DHX34: variants seen among roughly 807,000 people sequenced by gnomAD.
DHX34 encodes probable ATP-dependent RNA helicase DHX34.
Under a neutral mutation model 111.1 loss-of-function variants are expected in DHX34, and 96 were observed. The ratio of observed to expected loss-of-function variants is 0.86; its 90% CI spans 0.73 to 1.02. The LOEUF (loss-of-function observed/expected upper bound fraction) is 1.02. DHX34 is among the 50% of genes least tolerant of loss of function. The pLI, the probability that DHX34 is intolerant of heterozygous loss-of-function variation, is 0.00. For missense variants in DHX34, 1,560 were observed against 1,579.9 expected, an observed-to-expected ratio of 0.99 and a Z score of 0.21; for synonymous variants, 688 against 670.4, an observed-to-expected ratio of 1.03 and a Z score of -0.41.
intron 4 of DHX34, among the ~76,000 whole-genome samples, chr19:47,359,073 A>G (rs1484367887): frequency 1.3e-5 from 2 of 152,142 alleles, no homozygotes; most frequent in Non-Finnish European, 2.9e-5. Context: ...TCTACAGGCC[A>G]GAGATCTGAG....
intron 4 of DHX34, among the ~76,000 whole-genome samples, chr19:47,358,764 G>A (rs901024774): frequency 3.9e-5 from 6 of 152,162 alleles, no homozygotes; most frequent in Admixed American, 6.5e-5. Context: ...ACAGGCACCC[G>A]CCACCACGTC....
At chr19:47,354,907 G>A in intron 2 of DHX34, 132 bp from the exon 3 acceptor site, 1 of 1,475,774 alleles carries the variant, frequency 6.8e-7, no homozygotes, top group Non-Finnish European at 9.0e-7. Context: ...GCCCGCCTCT[G>A]CCTCCCAAAG....
chr19:47,360,133 G>A, intron 5 of DHX34, 63 bp downstream of exon 5: 1 of 1,505,972 alleles, frequency 6.6e-7, no homozygotes, highest in Non-Finnish European at 9.2e-7. Context: ...GGGTCCGGAG[G>A]TGTGCGTGTG....
chr19:47,374,974 A>AT (rs1338904303), intron 9 of DHX34, among the ~76,000 whole-genome samples: 6 of 152,044 alleles, frequency 3.9e-5, no homozygotes, highest in African/African-American at 7.2e-5. Context: ...GGGGTCTCAG[A>AT]TTTTATGGGT....
chr19:47,375,081 G>T (rs1391079289), intron 9 of DHX34, among the ~76,000 whole-genome samples: 1 of 152,158 alleles, frequency 6.6e-6, no homozygotes, highest in Non-Finnish European at 1.5e-5. Context: ...CCCAGGACTT[G>T]GCATTCCCAG....
At chr19:47,372,634 A>AGGAGGGCAGGCG (rs11269662) in intron 7 of DHX34, 96 bp from the exon 8 acceptor site, 3 of 1,452,992 alleles carry the variant, frequency 2.1e-6, no homozygotes, top group East Asian at 2.6e-5. Context: ...GGGTGGGAGC[A>AGGAGGGCAGGCG]GGAGGGCAGG....
At position 47,352,930 on chromosome 19, in the gene DHX34, C is replaced by G. The variant is rs546606471; in HGVS notation, c.-101C>G. The G allele has an allele frequency of 6.8e-5, 100 of 1,468,240 alleles. No individual in the cohort carries two copies. In the African/African-American group the frequency reaches 1.3e-3, roughly 19 times the overall value. 91.0% of individuals were successfully genotyped at this position (1,468,240 alleles called of 1,614,324 possible). The stretch of plus-strand genomic sequence containing the variant: ...AGCTCTTTGAAGAGAAAGTAGTTCT[C>G]TATTGCAGGCACTGGCCTCTTAAAT... On this transcript the variant is annotated 5_prime_UTR_variant, in exon 2 of 17. Coordinates refer to ENST00000328771, the MANE Select transcript of DHX34 (RefSeq NM_014681.6).
At position 47,375,245 on chromosome 19, in the gene DHX34, G is replaced by C. The variant is rs535705617; in HGVS notation, c.2065-221G>C. On this transcript the variant is annotated intron_variant, in intron 9 of 16. Transcript: ENST00000328771. Reference sequence around the variant, plus strand: ...CTGTGGGAAAAGGCACTGGACGCCCGCACCTGCCTCCTCTTGCCCCTGGCC... The same window carrying C: ...CTGTGGGAAAAGGCACTGGACGCCCCCACCTGCCTCCTCTTGCCCCTGGCC... The C allele has an allele frequency of 2.1e-4, 206 of 978,072 alleles. No individual in the cohort carries two copies. The African/African-American group carries it at 3.0e-3, about 14-fold the overall frequency. The allele number at this position is 978,072 out of a possible 1,614,324, so 60.6% of individuals were successfully genotyped here. A position where few individuals can be genotyped will look rare whatever the true frequency, so the allele number is the denominator to read the frequency against.
rs1048475462 is a variant in DHX34 at position 47,372,899 on chromosome 19, C to T, written c.1938C>T (p.Phe646=). Residue 646 remains phenylalanine (F), a synonymous_variant, in exon 8 of 17, where the codon TTC becomes TTT. Coordinates refer to ENST00000328771, the MANE Select transcript of DHX34 (RefSeq NM_014681.6). ...ESDQGDPFTL[F]NVFNAWVQVK... is the part of the protein sequence containing the mutation. ...ACCAGGGTGACCCCTTCACGCTCTT[C>T]AACGTCTTCAACGCCTGGGTGCAGG... 1.2e-6 allele frequency: 2 copies of T among 1,603,250 alleles called. No individual in the cohort carries two copies. The highest frequency in any genetic ancestry group is 2.7e-5 in the African/African-American group (2 of 74,848).
In DHX34 at chr19:47,376,447, T is replaced by TC; in HGVS notation, c.2488dup (p.His830ProfsTer79). ...CTTTCTCTCTGTCCTCCGCAGATTT[T>TC]CCACACGCAGGCCAAGCAGGGCGCC... On this transcript the variant is annotated frameshift_variant, in exon 12 of 17. Coordinates refer to ENST00000328771, the MANE Select transcript of DHX34 (RefSeq NM_014681.6). LOFTEE classifies it high-confidence loss of function. 1 of 1,611,528 alleles carries TC rather than the reference T, an allele frequency of 6.2e-7. No homozygotes were observed. Among genetic ancestry groups the TC allele is most frequent in the Non-Finnish European group, 8.5e-7 (1 of 1,179,114 alleles).
In DHX34 at chr19:47,379,900, T is replaced by TGGAGGAGGA. The variant is rs533574046; in HGVS notation, c.2907_2915dup (p.Glu969_Glu971dup). On this transcript the variant is annotated inframe_insertion, in exon 14 of 17. Transcript: ENST00000328771. The stretch of plus-strand genomic sequence containing the variant: ...CTGGCGCACCAGGCCCAGCAGCAGC[T>TGGAGGAGGA]GGAGGAGGAGGAGGAGGATACGCCA... 6.2e-6 allele frequency: 10 copies of TGGAGGAGGA among 1,612,038 alleles called. No homozygotes were observed. Among genetic ancestry groups the TGGAGGAGGA allele is most frequent in the South Asian group, 2.2e-5 (2 of 91,026 alleles).
At chr19:47,376,205 C>A in intron 11 of DHX34, 108 bp downstream of exon 11, 1 of 1,464,558 alleles carries the variant, frequency 6.8e-7, no homozygotes. Flanking sequence ...CTGGTTCTGT[C>A]CCCATGGGGC....
chr19:47,378,274 C>A (rs78573618), intron 13 of DHX34, among the ~76,000 whole-genome samples: 3,081 of 151,886 alleles, frequency 0.02, 41 homozygotes, highest in Middle Eastern at 0.041. Flanking sequence ...CCCTCGAGCC[C>A]GTCTGGTGGG....
chr19:47,350,024 C>T (rs545300911), intron 1 of DHX34, among the ~76,000 whole-genome samples: 2 of 152,092 alleles, frequency 1.3e-5, no homozygotes, highest in South Asian at 4.2e-4. Flanking sequence ...GATCATAGTG[C>T]CTGACAGTCG....
chr19:47,373,971 T>C (rs957058418), intron 9 of DHX34, among the ~76,000 whole-genome samples: 4 of 152,140 alleles, frequency 2.6e-5, no homozygotes, highest in African/African-American at 9.7e-5. Context: ...GATGCTGAGC[T>C]GGCTGCATGG....
At chr19:47,370,058 C>A (rs868648922) in intron 7 of DHX34, among the ~76,000 whole-genome samples, 1 of 152,080 alleles carries the variant, frequency 6.6e-6, no homozygotes, top group Non-Finnish European at 1.5e-5. Flanking sequence ...TTGTGTGCAC[C>A]GTCAGTGTCT....
rs2547390 is a variant in DHX34, at chr19:47,362,654, A to G, written c.1554A>G (p.Pro518=). ...ATGCCTTCGCCCCCTACCCCGTCCC[A>G]GAAATTCGGAGGGTGGCCCTGGACT... ...DYDAFAPYPV[P]EIRRVALDSL... is the part of the protein sequence containing the mutation. The change falls in exon 6 of 17, where the codon CCA becomes CCG. Residue 518 remains proline (P), a synonymous_variant. Coordinates refer to ENST00000328771, the MANE Select transcript of DHX34 (RefSeq NM_014681.6). 106,693 of 1,612,972 alleles carry G rather than the reference A, an allele frequency of 0.066. 4,916 individuals are homozygous for G. Among genetic ancestry groups the G allele is most frequent in the African/African-American group, 0.23 (16,985 of 74,946 alleles).
intron 4 of DHX34, 42 bp downstream of exon 4, chr19:47,358,162 T>A (rs1053162680): frequency 5.7e-6 from 9 of 1,587,420 alleles, no homozygotes; most frequent in Admixed American, 1.7e-5. Context: ...GGGGTCTGCA[T>A]GAGTCAGGGG....
chr19:47,380,320 AGAACT>A (rs1291616069), intron 14 of DHX34, among the ~76,000 whole-genome samples: 2 of 152,104 alleles, frequency 1.3e-5, no homozygotes, highest in Non-Finnish European at 2.9e-5. Context: ...GTGGATGGGA[AGAACT>A]GAACTGAGCA....
Sources: allele counts gnomAD v4.1 joint callset (sites outside exome capture counted in the v4.1 genomes callset), GRCh38; gene constraint gnomAD v4.1.1; transcripts MANE v1.5; gene names NCBI Gene and HGNC (gene_info 2026-07-23, HGNC 2026-07-21).